Variants in BLVRA observed in about 807,000 individuals in gnomAD.
The protein encoded by BLVRA is biliverdin reductase A, also known as BVR A.
Under a neutral mutation model 32.8 loss-of-function variants are expected in BLVRA, and 22 were observed. That is an observed-to-expected ratio of 0.67 (90% CI 0.48 to 0.96). The LOEUF is 0.96. BLVRA is among the 40% of genes least tolerant of loss of function. The probability of loss-of-function intolerance (pLI) is 0.00; values close to 1 mark genes in which losing one functional copy is unlikely to be tolerated. For synonymous variants in BLVRA, 119 were observed against 141.3 expected (o/e 0.84, Z 1.12); for missense variants, 323 against 358.1 (o/e 0.90, Z 0.79).
chr7:43,758,130 C>G (rs1375467188), upstream of BLVRA, among the ~76,000 whole-genome samples: 1 of 152,204 alleles, frequency 6.6e-6, no homozygotes, highest in Non-Finnish European at 1.5e-5. Flanking sequence ...ACGTTCACTA[C>G]TTCCTAGCTA....
At chr7:43,795,637 C>T (rs1450592668) in intron 5 of BLVRA, among the ~76,000 whole-genome samples, 1 of 152,032 alleles carries the variant, frequency 6.6e-6, no homozygotes, top group East Asian at 1.9e-4. Context: ...CCTAACTTTA[C>T]ATTTCAAGGG....
intron 2 of BLVRA, among the ~76,000 whole-genome samples, chr7:43,781,357 T>C (rs1222995836): frequency 2.0e-5 from 3 of 152,176 alleles, no homozygotes; most frequent in Non-Finnish European, 2.9e-5. Flanking sequence ...GATATACTTT[T>C]TTTTTCCTGA....
chr7:43,790,735 C>T (rs2095784832), intron 3 of BLVRA, among the ~76,000 whole-genome samples: 1 of 152,140 alleles, frequency 6.6e-6, no homozygotes, highest in South Asian at 2.1e-4. Flanking sequence ...TGCTGTGGTG[C>T]AATCTCGGCT....
intron 6 of BLVRA, among the ~76,000 whole-genome samples, chr7:43,801,970 A>T (rs1356414774): frequency 2.0e-5 from 3 of 151,948 alleles, no homozygotes. Context: ...CACCGTCTCT[A>T]CTAAAAAAAA....
At chr7:43,772,193 A>C (rs540365490) in intron 2 of BLVRA, among the ~76,000 whole-genome samples, 2 of 152,142 alleles carry the variant, frequency 1.3e-5, no homozygotes, top group African/African-American at 2.4e-5. Context: ...GGAGCTTTTC[A>C]TCTCTCTGCT....
rs199762989 is a variant in BLVRA, at chr7:43,786,323, T to TA, written c.13-1573dup. 7.1e-3 allele frequency among the ~76,000 whole-genome samples: 1,081 copies of TA among 151,928 alleles called. 10 individuals are homozygous for TA. The highest frequency in any genetic ancestry group is 0.025 in the African/African-American group (1,025 of 41,434). ...ATTTTAGAAAGATAAAGGGGTCAATTAAAAAAAAGGACATAACCATCCTAA... is the reference window on the plus strand; with the variant it reads ...ATTTTAGAAAGATAAAGGGGTCAATTAAAAAAAAAGGACATAACCATCCTAA... On this transcript the variant is annotated intron_variant, in intron 2 of 7. Coordinates refer to ENST00000265523, the MANE Select transcript of BLVRA (RefSeq NM_000712.4).
Position 43,759,110 on chromosome 7 carries a change from T to C in BLVRA, c.-22+376T>C, listed in dbSNP as rs569737028. Among the ~76,000 whole-genome samples, 45 of 152,312 alleles carry C rather than the reference T, an allele frequency of 3.0e-4. 1 individual carries two copies. In the East Asian group the frequency reaches 8.3e-3, roughly 28 times the overall value. On this transcript the variant is annotated intron_variant, in intron 1 of 7. Transcript: ENST00000265523. Reference sequence around the variant, plus strand: ...CGGCGGCTCCAGGAGCGCGAGCGGCTGGGCCCGGGCGTAGCCACCGCAGGG... The same window carrying C: ...CGGCGGCTCCAGGAGCGCGAGCGGCCGGGCCCGGGCGTAGCCACCGCAGGG...
intron 5 of BLVRA, among the ~76,000 whole-genome samples, chr7:43,795,550 A>G (rs2095790869): frequency 6.6e-6 from 1 of 152,166 alleles, no homozygotes; most frequent in African/African-American, 2.4e-5. Context: ...ACAAGATGTA[A>G]TGAAAGCAGT....
chr7:43,799,751 G>A (rs2095796663), intron 5 of BLVRA, among the ~76,000 whole-genome samples: 1 of 151,958 alleles, frequency 6.6e-6, no homozygotes, highest in African/African-American at 2.4e-5. Flanking sequence ...TGGGATTATA[G>A]GCATGAGCCA....
intron 2 of BLVRA, among the ~76,000 whole-genome samples, chr7:43,784,470 C>T (rs1237185196): frequency 1.3e-5 from 2 of 152,126 alleles, no homozygotes; most frequent in African/African-American, 4.8e-5. Flanking sequence ...TCAGAACGCA[C>T]CTTCAAGATC....
intron 5 of BLVRA, among the ~76,000 whole-genome samples, chr7:43,798,351 T>C (rs1209055782): frequency 6.6e-6 from 1 of 152,238 alleles, no homozygotes; most frequent in Non-Finnish European, 1.5e-5. Flanking sequence ...AGTTACTTTT[T>C]TTCCCTTTGT....
At chr7:43,802,327 G>C (rs759616505) in intron 6 of BLVRA, among the ~76,000 whole-genome samples, 26 of 152,058 alleles carry the variant, frequency 1.7e-4, no homozygotes, top group Non-Finnish European at 3.2e-4. Flanking sequence ...ATTGTTATTA[G>C]TCATTGTTTT....
At chr7:43,767,282 A>G (rs1265541017) in intron 1 of BLVRA, 18 of 1,068,812 alleles carry the variant, frequency 1.7e-5, no homozygotes, top group Non-Finnish European at 2.3e-5. Flanking sequence ...TGCCAGCACA[A>G]CTACACTGTG....
chr7:43,774,746 C>T (rs1193822968), intron 2 of BLVRA, among the ~76,000 whole-genome samples: 4 of 152,246 alleles, frequency 2.6e-5, no homozygotes, highest in South Asian at 2.1e-4. Context: ...GCCATTTTCA[C>T]GATATTGATT....
At chr7:43,788,774 A>ACAGACACAC (rs2095781570) in intron 3 of BLVRA, among the ~76,000 whole-genome samples, 1 of 150,862 alleles carries the variant, frequency 6.6e-6, no homozygotes, top group South Asian at 2.1e-4. Context: ...AGCTGGGACT[A>ACAGACACAC]CAGACACACA....
intron 1 of BLVRA, among the ~76,000 whole-genome samples, chr7:43,760,770 CTTTT>C (rs34256119): frequency 1.5e-5 from 2 of 133,134 alleles, no homozygotes; most frequent in South Asian, 4.8e-4. Context: ...CCTCTTGAGT[CTTTT>C]TTTTTTTTTT....
At position 43,791,263 on chromosome 7, in the gene BLVRA, G is replaced by C. The variant is rs768572509; in HGVS notation, c.149G>C (p.Ser50Thr). The change falls in exon 4 of 8, where the codon AGC becomes ACC. Residue 50 changes from serine (S) to threonine (T), a missense_variant. Physicochemically the swap from Ser to Thr is moderately conservative, Grantham distance 58. Transcript: ENST00000265523. ...IGFVSRRELG[S>T]IDGVQQISLE... is the part of the protein sequence containing the mutation. ...CTCTGAAATAGAAGGGAGCTCGGGAGCATTGATGGAGTCCAGCAGATTTCT... is the reference window on the plus strand; with the variant it reads ...CTCTGAAATAGAAGGGAGCTCGGGACCATTGATGGAGTCCAGCAGATTTCT... 4 of 1,614,084 alleles carry C rather than the reference G, an allele frequency of 2.5e-6. No individual in the cohort carries two copies. The East Asian group carries it at 8.9e-5, about 36-fold the overall frequency.
At chr7:43,759,962 G>A (rs1198844635) in intron 1 of BLVRA, 1 of 148,508 alleles carries the variant, frequency 6.7e-6, no homozygotes, top group Non-Finnish European at 1.5e-5. Context: ...ATAATTCTCA[G>A]TGTGTTTTCC....
intron 2 of BLVRA, among the ~76,000 whole-genome samples, chr7:43,782,467 G>C (rs2095771056): frequency 6.6e-6 from 1 of 152,202 alleles, no homozygotes; most frequent in Admixed American, 6.5e-5. Flanking sequence ...AGTACAACCT[G>C]TCAGGAAGGG....
Sources: gnomAD v4.1 joint callset for allele counts (sites outside exome capture counted in the v4.1 genomes callset) on GRCh38, gnomAD v4.1.1 for gene constraint, MANE v1.5 for transcripts, NCBI Gene and HGNC (gene_info 2026-07-23, HGNC 2026-07-21) for gene names.